Variants in UBE2V1 observed in about 807,000 individuals in gnomAD.
UBE2V1 encodes the protein ubiquitin-conjugating enzyme E2 variant 1.
UBE2V1 carries 15 observed loss-of-function variants against 19.6 expected under a neutral mutation model. The observed-to-expected ratio is 0.77, with a 90% confidence interval of 0.51 to 1.18. The LOEUF is 1.18. Ranked by LOEUF, UBE2V1 falls within the 50% of genes most tolerant of loss-of-function variation. The pLI is 0.00. For missense variants in UBE2V1, 125 were observed against 184.8 expected (o/e 0.68, Z 1.88); for synonymous variants, 60 against 60.7 (o/e 0.99, Z 0.05).
chr20:50,106,133 G>A (rs2147171391), intron 1 of UBE2V1, among the ~76,000 whole-genome samples: 1 of 152,072 alleles, frequency 6.6e-6, no homozygotes, highest in Middle Eastern at 3.4e-3. Context: ...TCATCAAGGT[G>A]CTAAAATATC....
chr20:50,097,250 G>A (rs1354835480), intron 1 of UBE2V1, among the ~76,000 whole-genome samples: 1 of 152,146 alleles, frequency 6.6e-6, no homozygotes, highest in East Asian at 1.9e-4. Context: ...ACCTTTAGGA[G>A]GAATAGTCAC....
At chr20:50,100,296 A>AG (rs2079904380) in intron 1 of UBE2V1, among the ~76,000 whole-genome samples, 1 of 151,194 alleles carries the variant, frequency 6.6e-6, no homozygotes, top group African/African-American at 2.4e-5. Context: ...AAAAAAAAAA[A>AG]AAAAAAAAAG....
Position 50,084,112 on chromosome 20 carries a change from C to A in UBE2V1, c.297+17G>T. 6.4e-7 allele frequency: 1 copy of A among 1,560,058 alleles called. No homozygotes were observed. Among genetic ancestry groups the A allele is most frequent in the South Asian group, 1.2e-5 (1 of 80,746 alleles). On this transcript the variant is annotated intron_variant, in intron 3 of 3. Coordinates refer to ENST00000371674, the MANE Select transcript of UBE2V1 (RefSeq NM_001032288.3). ...TGTCAACTCCAAGGAACAAGTGGGA[C>A]AGAGAAAACAACTTACCACTCCATT...
intron 2 of UBE2V1, among the ~76,000 whole-genome samples, chr20:50,087,917 T>C (rs1189555102): frequency 6.6e-6 from 1 of 152,120 alleles, no homozygotes; most frequent in Non-Finnish European, 1.5e-5. Flanking sequence ...GCACCAGGTA[T>C]AGACGATACA....
chr20:50,097,774 G>T (rs1405737458), intron 1 of UBE2V1, among the ~76,000 whole-genome samples: 1 of 152,176 alleles, frequency 6.6e-6, no homozygotes, highest in African/African-American at 2.4e-5. Context: ...CTCTCAATTG[G>T]CCAGACTCTC....
At chr20:50,086,140 C>T (rs2078899681) in intron 2 of UBE2V1, among the ~76,000 whole-genome samples, 3 of 152,170 alleles carry the variant, frequency 2.0e-5, no homozygotes, top group Non-Finnish European at 4.4e-5. Flanking sequence ...CCCAGACTGA[C>T]CCGGGCAGCC....
At chr20:50,098,918 C>T in intron 1 of UBE2V1, 2 of 985,426 alleles carry the variant, frequency 2.0e-6, no homozygotes, top group Non-Finnish European at 2.4e-6. Flanking sequence ...GCATTTTCAT[C>T]TGCACAGCAG....
chr20:50,090,084 G>C (rs1196106645), intron 2 of UBE2V1, among the ~76,000 whole-genome samples: 1 of 152,134 alleles, frequency 6.6e-6, no homozygotes, highest in Non-Finnish European at 1.5e-5. Context: ...AAACCCAGAG[G>C]GTGGTTACTG....
intron 2 of UBE2V1, chr20:50,095,253 A>G (rs915282291): frequency 2.6e-5 from 4 of 152,224 alleles, no homozygotes; most frequent in Non-Finnish European, 4.4e-5. Flanking sequence ...ATTCTTAGGA[A>G]GAGAAGACAT....
upstream of UBE2V1, chr20:50,115,946 A>C (rs2080992532): frequency 1.8e-5 from 3 of 164,066 alleles, no homozygotes; most frequent in East Asian, 3.3e-4. Context: ...TCGCAGGAAG[A>C]GGTTAGGCGG....
chr20:50,093,359 G>T (rs1469208972), intron 2 of UBE2V1, among the ~76,000 whole-genome samples: 1 of 152,188 alleles, frequency 6.6e-6, no homozygotes, highest in Non-Finnish European at 1.5e-5. Context: ...GCTCTATTTA[G>T]ATGCTTTAAT....
intron 1 of UBE2V1, 105 bp from the exon 2 acceptor site, chr20:50,096,925 T>A: frequency 6.5e-7 from 1 of 1,529,826 alleles, no homozygotes; most frequent in Admixed American, 2.1e-5. Flanking sequence ...GATGCTAACA[T>A]GCAAAAAAAT....
chr20:50,082,854 C>G lies in UBE2V1; in HGVS notation c.358G>C (p.Val120Leu). 6.2e-7 allele frequency: 1 copy of G among 1,613,028 alleles called. No homozygotes were observed. Among genetic ancestry groups the G allele is most frequent in the Non-Finnish European group, 8.5e-7 (1 of 1,179,848 alleles). The change falls in exon 4 of 4, where the codon GTC (valine) becomes CTC (leucine). Residue 120 changes from valine to leucine, a missense_variant. Transcript: ENST00000371674. Reference protein sequence around the residue: ...KWQNSYSIKVVLQELRRLMMS... With the variant: ...KWQNSYSIKVLLQELRRLMMS... ...ATTAGGCGCCGAAGCTCTTGCAGGA[C>G]AACTTTGATGCTATATGAATTCTGC...
upstream of UBE2V1, chr20:50,115,789 C>T (rs1166312426): frequency 1.3e-5 from 6 of 452,396 alleles, no homozygotes; most frequent in African/African-American, 4.0e-5. Flanking sequence ...AACTGAGACT[C>T]AGAGCTAACA....
intron 1 of UBE2V1, chr20:50,111,599 C>T: frequency 6.0e-6 from 6 of 999,848 alleles, no homozygotes; most frequent in Non-Finnish European, 4.8e-6. Flanking sequence ...TCATGGTCTC[C>T]GCTATTCTGC....
intron 1 of UBE2V1, chr20:50,111,430 G>T: frequency 1.0e-6 from 1 of 1,000,268 alleles, no homozygotes. Flanking sequence ...GGGCCCCTTC[G>T]TTTATTACGA....
Position 50,081,465 on chromosome 20 carries a change from G to C in UBE2V1, c.*1303C>G, listed in dbSNP as rs2078642203. On this transcript the variant is annotated 3_prime_UTR_variant, in exon 4 of 4. Coordinates refer to ENST00000371674, the MANE Select transcript of UBE2V1 (RefSeq NM_001032288.3). Reference sequence around the variant, plus strand: ...GAAAGACGCAGCAATTTGCCAGGAGGTCAAGCCCACCAATTTCGGGGATCT... The same window carrying C: ...GAAAGACGCAGCAATTTGCCAGGAGCTCAAGCCCACCAATTTCGGGGATCT... 6.6e-6 allele frequency: 1 copy of C among 152,618 alleles called. No individual in the cohort carries two copies. Among genetic ancestry groups the C allele is most frequent in the African/African-American group, 2.4e-5 (1 of 41,404 alleles). 9.5% of individuals were successfully genotyped at this position (152,618 alleles called of 1,614,324 possible).
At chr20:50,100,524 G>A (rs1306260787) in intron 1 of UBE2V1, among the ~76,000 whole-genome samples, 1 of 152,012 alleles carries the variant, frequency 6.6e-6, no homozygotes, top group African/African-American at 2.4e-5. Context: ...GGCAGAGGTT[G>A]CAGTGAGCTG....
intron 1 of UBE2V1, among the ~76,000 whole-genome samples, chr20:50,106,844 AAAC>A (rs943087739): frequency 3.5e-4 from 46 of 131,702 alleles, no homozygotes; most frequent in Middle Eastern, 4.0e-3. Context: ...TCAAAACCAA[AAAC>A]AACAACAACA....
Sources: allele counts gnomAD v4.1 joint callset (sites outside exome capture counted in the v4.1 genomes callset), GRCh38; gene constraint gnomAD v4.1.1; transcripts MANE v1.5; gene names NCBI Gene and HGNC (gene_info 2026-07-23, HGNC 2026-07-21).